Variants in ZNF385B observed in about 807,000 individuals in gnomAD.
The protein encoded by ZNF385B is zinc finger protein 533.
In ZNF385B, 23 loss-of-function variants were observed where a neutral mutation model predicts 39.2. The ratio of observed to expected loss-of-function variants is 0.59; its 90% CI spans 0.42 to 0.83. The LOEUF (loss-of-function observed/expected upper bound fraction) is 0.83, where lower values mean the gene tolerates loss of function less well. Among genes scored for constraint, ZNF385B ranks in the 40% least tolerant of loss-of-function variants. The pLI, the probability that ZNF385B is intolerant of heterozygous loss-of-function variation, is 0.00. For synonymous variants in ZNF385B, 205 were observed against 222.6 expected, an observed-to-expected ratio of 0.92 and a Z score of 0.70; for missense variants, 552 against 598.9, an observed-to-expected ratio of 0.92 and a Z score of 0.82.
At chr2:179,794,729 G>C (rs1426236780) in intron 1 of ZNF385B, among the ~76,000 whole-genome samples, 1 of 152,114 alleles carries the variant, frequency 6.6e-6, no homozygotes, top group Non-Finnish European at 1.5e-5. Flanking sequence ...TTTAGGCCTA[G>C]TTACCTTGAA....
At chr2:179,829,144 G>A (rs1422184738) in intron 1 of ZNF385B, among the ~76,000 whole-genome samples, 2 of 151,892 alleles carry the variant, frequency 1.3e-5, no homozygotes, top group African/African-American at 4.8e-5. Flanking sequence ...TTTCCAAAAC[G>A]TCCCAAAATA....
At chr2:179,819,962 TA>T (rs1559224169) in intron 1 of ZNF385B, among the ~76,000 whole-genome samples, 2 of 152,146 alleles carry the variant, frequency 1.3e-5, no homozygotes, top group African/African-American at 2.4e-5. Flanking sequence ...TAGCACATTT[TA>T]AAAAAATGTC....
intron 3 of ZNF385B, among the ~76,000 whole-genome samples, chr2:179,721,110 C>T (rs1389551763): frequency 6.6e-6 from 1 of 151,562 alleles, no homozygotes; most frequent in Admixed American, 6.6e-5. Context: ...GACTTTAAGG[C>T]CAAGGAATTA....
At chr2:179,718,247 C>G (rs543171895) in intron 3 of ZNF385B, among the ~76,000 whole-genome samples, 4 of 151,416 alleles carry the variant, frequency 2.6e-5, no homozygotes, top group Admixed American at 6.6e-5. Context: ...TTTATCCACA[C>G]GCATGTTGAC....
chr2:179,524,557 A>AAAGAAAAAAAAG (rs2058755826), intron 4 of ZNF385B, among the ~76,000 whole-genome samples: 1 of 32,902 alleles, frequency 3.0e-5, no homozygotes, highest in African/African-American at 7.6e-5. Flanking sequence ...GTCTCAAAAA[A>AAAGAAAAAAAAG]AAAAAAAAAA....
At position 179,691,171 on chromosome 2, in the gene ZNF385B, A is replaced by T. The variant is rs114427827; in HGVS notation, c.298+78332T>A. On this transcript the variant is annotated intron_variant, in intron 3 of 9. Coordinates refer to ENST00000410066, the MANE Select transcript of ZNF385B (RefSeq NM_152520.6). ...TCTTAAATCCTTAGGTTATTAATCA[A>T]TTAAAGTCCTAAGAATTAATCTTGT... 8.3e-3 allele frequency among the ~76,000 whole-genome samples: 1,261 copies of T among 152,312 alleles called. 20 individuals are homozygous for T. The highest frequency in any genetic ancestry group is 0.029 in the African/African-American group (1,214 of 41,568).
chr2:179,621,017 TGAAA>T (rs1690164379), intron 3 of ZNF385B, among the ~76,000 whole-genome samples: 1 of 152,122 alleles, frequency 6.6e-6, no homozygotes, highest in South Asian at 2.1e-4. Context: ...TTTGCTGAAT[TGAAA>T]GAGTCTATAA....
chr2:179,780,308 C>T (rs959499633), intron 1 of ZNF385B, among the ~76,000 whole-genome samples: 2 of 152,198 alleles, frequency 1.3e-5, no homozygotes, highest in Non-Finnish European at 1.5e-5. Context: ...CCAGAACCCT[C>T]TTCTCAGATC....
chr2:179,475,387 G>A (rs918751434), intron 6 of ZNF385B, among the ~76,000 whole-genome samples: 1 of 151,896 alleles, frequency 6.6e-6, no homozygotes. Context: ...GAGTAGCTGG[G>A]ACTACAGGCG....
At chr2:179,664,782 C>G (rs1368183309) in intron 3 of ZNF385B, among the ~76,000 whole-genome samples, 1 of 151,970 alleles carries the variant, frequency 6.6e-6, no homozygotes, top group East Asian at 1.9e-4. Context: ...ATATACATAT[C>G]ATATATTGAT....
rs545515466 is a variant in ZNF385B, at chr2:179,783,311, TACC to T, written c.-154-12642_-154-12640del. Among the ~76,000 whole-genome samples, 184 of 152,086 alleles carry T rather than the reference TACC, an allele frequency of 1.2e-3. 1 individual carries two copies. The highest frequency in any genetic ancestry group is 4.1e-3 in the African/African-American group (172 of 41,524). ...AGATTGAAGCTGGATCCCTTCCTTA[TACC>T]ATCAACAAAAATCAACCCAAGATGG... On this transcript the variant is annotated intron_variant, in intron 1 of 9. Coordinates refer to ENST00000410066, the MANE Select transcript of ZNF385B (RefSeq NM_152520.6).
intron 3 of ZNF385B, among the ~76,000 whole-genome samples, chr2:179,625,419 T>C (rs1335941991): frequency 6.6e-6 from 1 of 151,828 alleles, no homozygotes; most frequent in Non-Finnish European, 1.5e-5. Context: ...CATATGTATA[T>C]ATTTTTATAT....
chr2:179,546,593 A>G (rs1157175056), intron 3 of ZNF385B, among the ~76,000 whole-genome samples: 1 of 152,152 alleles, frequency 6.6e-6, no homozygotes. Flanking sequence ...TACTGTATAT[A>G]TGTAACTCAT....
intron 3 of ZNF385B, among the ~76,000 whole-genome samples, chr2:179,579,177 T>G (rs370248714): frequency 2.6e-5 from 4 of 152,142 alleles, no homozygotes; most frequent in African/African-American, 9.6e-5. Flanking sequence ...TGATGGAGAT[T>G]AAATCCTGGC....
At chr2:179,727,238 T>A (rs1031477635) in intron 3 of ZNF385B, among the ~76,000 whole-genome samples, 2 of 152,112 alleles carry the variant, frequency 1.3e-5, no homozygotes, top group African/African-American at 4.8e-5. Context: ...TAAAATATTT[T>A]AAAATAAATC....
chr2:179,753,778 A>G (rs1229520865), intron 3 of ZNF385B, among the ~76,000 whole-genome samples: 1 of 152,162 alleles, frequency 6.6e-6, no homozygotes, highest in African/African-American at 2.4e-5. Context: ...TTGCACATTG[A>G]TTTTATATCC....
At chr2:179,571,969 G>A (rs1443938768) in intron 3 of ZNF385B, among the ~76,000 whole-genome samples, 1 of 152,052 alleles carries the variant, frequency 6.6e-6, no homozygotes, top group Non-Finnish European at 1.5e-5. Flanking sequence ...CAAGTCCTGT[G>A]TAGGTCTCTT....
At chr2:179,772,091 C>A (rs1244093730) in intron 1 of ZNF385B, among the ~76,000 whole-genome samples, 1 of 152,142 alleles carries the variant, frequency 6.6e-6, no homozygotes, top group East Asian at 1.9e-4. Context: ...GTTCCTATGA[C>A]TTTTTTGTTT....
At chr2:179,497,153 AAG>A (rs1233506287) in intron 5 of ZNF385B, among the ~76,000 whole-genome samples, 1 of 152,226 alleles carries the variant, frequency 6.6e-6, no homozygotes, top group East Asian at 1.9e-4. Flanking sequence ...AGAAATGCTA[AAG>A]AGAGTATGTC....
Sources: allele counts gnomAD v4.1 joint callset (sites outside exome capture counted in the v4.1 genomes callset), GRCh38; gene constraint gnomAD v4.1.1; transcripts MANE v1.5; gene names NCBI Gene and HGNC (gene_info 2026-07-23, HGNC 2026-07-21).